The following ENPP2 variants were observed in gnomAD, a reference collection of about 807,000 sequenced individuals.
ENPP2 encodes the protein autotaxin.
ENPP2 carries 51 observed loss-of-function variants against 120.2 expected under a neutral mutation model. The observed-to-expected ratio is 0.42, with a 90% CI of 0.34 to 0.54. ENPP2 has a LOEUF of 0.54. ENPP2 is among the 20% of genes least tolerant of loss of function. ENPP2 has a pLI of 0.04. For missense variants in ENPP2, 920 were observed against 1,066.5 expected (o/e 0.86, Z 1.91); for synonymous variants, 365 against 366.4 (o/e 1.00, Z 0.04).
chr8:119,642,310 C>A (rs1587561257), upstream of ENPP2, among the ~76,000 whole-genome samples: 1 of 151,964 alleles, frequency 6.6e-6, no homozygotes, highest in Non-Finnish European at 1.5e-5. Context: ...TCCAGAATTT[C>A]TATTTGTTTA....
intron 12 of ENPP2, 82 bp from the exon 13 acceptor site, chr8:119,590,712 C>A (rs2130431726): frequency 1.0e-6 from 1 of 1,004,810 alleles, no homozygotes; most frequent in South Asian, 2.1e-5. Flanking sequence ...AACATCCAGG[C>A]ATCTCTTTAG....
At chr8:119,666,046 TG>T (rs1174699568) in intron 1 of ENPP2, among the ~76,000 whole-genome samples, 2 of 152,304 alleles carry the variant, frequency 1.3e-5, no homozygotes, top group East Asian at 3.9e-4. Flanking sequence ...TATAATGGCA[TG>T]GGGCAATATT....
intron 1 of ENPP2, among the ~76,000 whole-genome samples, chr8:119,654,775 G>A (rs983255201): frequency 6.6e-5 from 10 of 152,178 alleles, no homozygotes; most frequent in African/African-American, 2.2e-4. Context: ...GGTGGTGGTA[G>A]TCAGGATTTC....
At chr8:119,575,012 C>A (rs1020676493) in intron 19 of ENPP2, among the ~76,000 whole-genome samples, 13 of 152,234 alleles carry the variant, frequency 8.5e-5, no homozygotes, top group Middle Eastern at 3.2e-3. Context: ...GTTTTACTCA[C>A]CACTGTATCT....
rs1817428184 is a variant in ENPP2 at position 119,645,787 on chromosome 8, C to G, written c.22-7260G>C. 2.0e-5 allele frequency among the ~76,000 whole-genome samples: 3 copies of G among 150,374 alleles called. No homozygotes were observed. The South Asian group carries it at 6.4e-4, about 32-fold the overall frequency. ...CTGAGATCGCACCATTGCACTCCAG[C>G]CTAGGCAACAGGAGCGAAACTCAAT... is the stretch of plus-strand genomic sequence containing the variant. On this transcript the variant is annotated intron_variant, in intron 1 of 25. Transcript: ENST00000427067.
At chr8:119,568,654 G>A (rs1227215334) in intron 21 of ENPP2, among the ~76,000 whole-genome samples, 1 of 151,948 alleles carries the variant, frequency 6.6e-6, no homozygotes, top group Non-Finnish European at 1.5e-5. Context: ...AGGGTGAAGT[G>A]CAGTGGCCTG....
At chr8:119,620,277 A>G (rs1815793964) in intron 4 of ENPP2, among the ~76,000 whole-genome samples, 1 of 152,212 alleles carries the variant, frequency 6.6e-6, no homozygotes, top group South Asian at 2.1e-4. Flanking sequence ...TTTATTTCTA[A>G]CAGCCTTTGT....
At position 119,590,284 on chromosome 8, in the gene ENPP2, T is replaced by C. The variant is rs141497903; in HGVS notation, c.1207+221A>G. On this transcript the variant is annotated intron_variant, in intron 13 of 24. Transcript: ENST00000075322. ...GTGCCAGGAACCACTCTAAGCAATA[T>C]GCATAGATTAATTTCTACAGGTAGC... is the stretch of plus-strand genomic sequence containing the variant. 1.8e-3 allele frequency among the ~76,000 whole-genome samples: 280 copies of C among 152,354 alleles called. 1 individual carries two copies. The highest frequency in any genetic ancestry group is 3.0e-3 in the Non-Finnish European group (202 of 68,040).
intron 20 of ENPP2, 114 bp downstream of exon 20, chr8:119,570,591 A>G (rs549481860): frequency 8.7e-5 from 53 of 612,312 alleles, no homozygotes; most frequent in African/African-American, 8.2e-4. Context: ...GATTTCTGTC[A>G]TTAAGAAAAA....
intron 2 of ENPP2, among the ~76,000 whole-genome samples, chr8:119,631,442 T>C (rs918042053): frequency 6.6e-6 from 1 of 151,736 alleles, no homozygotes; most frequent in Non-Finnish European, 1.5e-5. Context: ...GGTCTCGATC[T>C]CCTGACATTG....
chr8:119,598,333 C>T (rs556680576), intron 11 of ENPP2, among the ~76,000 whole-genome samples: 3 of 152,120 alleles, frequency 2.0e-5, no homozygotes, highest in Admixed American at 6.5e-5. Flanking sequence ...ATCCAGTAGG[C>T]ATATGAAAAT....
At chr8:119,634,069 G>A (rs1482291138) in intron 2 of ENPP2, among the ~76,000 whole-genome samples, 1 of 152,094 alleles carries the variant, frequency 6.6e-6, no homozygotes, top group African/African-American at 2.4e-5. Flanking sequence ...TGTAATCTCA[G>A]CTACTCGGGA....
intron 1 of ENPP2, among the ~76,000 whole-genome samples, chr8:119,644,285 A>C (rs1817365915): frequency 6.6e-6 from 1 of 152,048 alleles, no homozygotes; most frequent in Non-Finnish European, 1.5e-5. Flanking sequence ...CAGCTTACAC[A>C]GAGGAGGCTA....
chr8:119,673,312 C>A lies in ENPP2; in HGVS notation c.-40G>T, dbSNP rs1465762594. 2.0e-6 allele frequency: 3 copies of A among 1,534,212 alleles called. No homozygotes were observed. In the African/African-American group the frequency reaches 4.1e-5, roughly 21 times the overall value. On this transcript the variant is annotated 5_prime_UTR_variant, in exon 1 of 26. Coordinates refer to the ENPP2 transcript ENST00000427067. ...GGCGTCTGTTCCTGCCCGGGCGCTG[C>A]GGACGCGGCCTGGGCTGCAGCCCCG... is the stretch of plus-strand genomic sequence containing the variant.
Position 119,586,188 on chromosome 8 carries a change from T to C in ENPP2, c.1365A>G (p.Ala455=), listed in dbSNP as rs778364558. 3.0e-5 allele frequency: 49 copies of C among 1,613,888 alleles called. No homozygotes were observed. In the East Asian group the frequency reaches 1.1e-3, roughly 36 times the overall value. ...GAAATAGCCCATATACCAGTTACCTTGCAACATGCCATCTGCGTTCCACCA... is the reference window on the plus strand; with the variant it reads ...GAAATAGCCCATATACCAGTTACCTCGCAACATGCCATCTGCGTTCCACCA... ...HLLVERRWHV[A]RKPLDVYKKP... The change falls in exon 15 of 25, where the codon GCA becomes GCG. Residue 455 remains alanine (A), a splice_region_variant and synonymous_variant. Transcript: ENST00000075322.
At chr8:119,612,795 T>G (rs1815201784) in intron 8 of ENPP2, among the ~76,000 whole-genome samples, 1 of 152,090 alleles carries the variant, frequency 6.6e-6, no homozygotes, top group South Asian at 2.1e-4. Context: ...GAGGCTGAGG[T>G]GGGAGTGTTG....
In ENPP2 at chr8:119,644,621, TATATACACACAC is replaced by T. The variant is rs1447725851; in HGVS notation, c.22-6106_22-6095del. Among the ~76,000 whole-genome samples the T allele has an allele frequency of 1.3e-4, 14 of 104,496 alleles. No homozygotes were observed. In the East Asian group the frequency reaches 3.3e-3, roughly 25 times the overall value. 68.6% of individuals were successfully genotyped at this position (104,496 alleles called of 152,430 possible). On this transcript the variant is annotated intron_variant, in intron 1 of 25. Coordinates refer to the ENPP2 transcript ENST00000427067. ...ATATATATATATATATATATATATA[TATATACACACAC>T]ACACACACACACACATATAGATATA...
rs556474921 is a variant in ENPP2, at chr8:119,611,249, A to C, written c.778-3272T>G. ...CCAAAAACATTTTTTCAAAAAACATAAACTACTAGTGCAGTCTTTCTAGCA... is the reference window on the plus strand; with the variant it reads ...CCAAAAACATTTTTTCAAAAAACATCAACTACTAGTGCAGTCTTTCTAGCA... On this transcript the variant is annotated intron_variant, in intron 8 of 24. Transcript: ENST00000075322. 3.3e-5 allele frequency among the ~76,000 whole-genome samples: 5 copies of C among 152,378 alleles called. No individual in the cohort carries two copies. The East Asian group carries it at 9.6e-4, about 29-fold the overall frequency.
chr8:119,567,403 T>C (rs1259930868), intron 22 of ENPP2, among the ~76,000 whole-genome samples: 1 of 152,208 alleles, frequency 6.6e-6, no homozygotes, highest in Non-Finnish European at 1.5e-5. Context: ...TGCAATCATA[T>C]CTCTTAATTT....
Sources: allele counts gnomAD v4.1 joint callset (sites outside exome capture counted in the v4.1 genomes callset), GRCh38; gene constraint gnomAD v4.1.1; transcripts MANE v1.5; gene names NCBI Gene and HGNC (gene_info 2026-07-23, HGNC 2026-07-21).